The following RAP1GDS1 variants were observed in gnomAD, a reference collection of about 807,000 sequenced individuals.
RAP1GDS1 encodes the protein Rap1 GTPase-GDP dissociation stimulator 1.
A neutral mutation model predicts 71.1 loss-of-function variants in RAP1GDS1; 35 were observed. The observed-to-expected ratio is 0.49, with a 90% confidence interval of 0.38 to 0.65. The LOEUF (loss-of-function observed/expected upper bound fraction) is 0.65. Ranked by LOEUF, RAP1GDS1 falls within the 30% of genes least tolerant of loss-of-function variation. The pLI, the probability that RAP1GDS1 is intolerant of heterozygous loss-of-function variation, is 0.00. For missense variants in RAP1GDS1, 663 were observed against 706.1 expected (o/e 0.94, Z 0.69); for synonymous variants, 229 against 243.1 (o/e 0.94, Z 0.54).
chr4:98,373,475 C>G (rs1740707090), intron 4 of RAP1GDS1, among the ~76,000 whole-genome samples: 1 of 143,768 alleles, frequency 7.0e-6, no homozygotes, highest in South Asian at 2.3e-4. Context: ...TAATTGTTTT[C>G]CTTTGCTTGG....
At chr4:98,271,751 T>A (rs1316852708) in intron 1 of RAP1GDS1, among the ~76,000 whole-genome samples, 1 of 152,198 alleles carries the variant, frequency 6.6e-6, no homozygotes, top group Non-Finnish European at 1.5e-5. Context: ...TAAGAATGAT[T>A]GATGTGAGTT....
intron 3 of RAP1GDS1, 91 bp downstream of exon 3, chr4:98,343,352 T>G (rs1429598970): frequency 7.0e-7 from 1 of 1,422,948 alleles, no homozygotes; most frequent in East Asian, 2.4e-5. Context: ...TGTTTTAATT[T>G]TGTAGATTAG....
In RAP1GDS1 at chr4:98,391,971, T is replaced by C; in HGVS notation, c.528T>C (p.Leu176=). The C allele has an allele frequency of 6.2e-7, 1 of 1,604,950 alleles. No homozygotes were observed. The change falls in exon 6 of 15, where the codon CTT becomes CTC. Residue 176 remains leucine, a synonymous_variant. Coordinates refer to ENST00000408927, the MANE Select transcript of RAP1GDS1 (RefSeq NM_001100427.2). ...SNENDSLQAQ[L]INMGVIPTLV... is the part of the protein sequence containing the mutation. ...TTACAGATTCGCTTCAAGCTCAGCT[T>C]ATCAATATGGGTGTTATTCCTACCT...
chr4:98,436,915 T>C (rs937874215), intron 13 of RAP1GDS1, 25 bp from the exon 14 acceptor site: 2 of 1,579,204 alleles, frequency 1.3e-6, no homozygotes, highest in African/African-American at 1.4e-5. Flanking sequence ...TCGTACGCAG[T>C]AGATATACTT....
At chr4:98,423,796 G>A (rs1194367319) in intron 12 of RAP1GDS1, among the ~76,000 whole-genome samples, 4 of 152,036 alleles carry the variant, frequency 2.6e-5, no homozygotes, top group Non-Finnish European at 5.9e-5. Flanking sequence ...CGCCTACCTC[G>A]GCCTCCCAAA....
intron 4 of RAP1GDS1, among the ~76,000 whole-genome samples, chr4:98,360,781 A>G (rs1371957135): frequency 6.6e-6 from 1 of 152,152 alleles, no homozygotes; most frequent in African/African-American, 2.4e-5. Flanking sequence ...GTAAAAGTGA[A>G]TAATTCAGGG....
intron 1 of RAP1GDS1, among the ~76,000 whole-genome samples, chr4:98,291,105 A>G (rs1171078506): frequency 6.6e-6 from 1 of 152,152 alleles, no homozygotes; most frequent in Non-Finnish European, 1.5e-5. Context: ...GGCTTTGTCA[A>G]GATATCATTT....
intron 4 of RAP1GDS1, among the ~76,000 whole-genome samples, chr4:98,357,942 A>C (rs1374382456): frequency 2.0e-5 from 3 of 151,980 alleles, no homozygotes; most frequent in Non-Finnish European, 1.5e-5. Context: ...TACATACAAT[A>C]ACATACAAAA....
At chr4:98,281,299 T>C (rs1340088089) in intron 1 of RAP1GDS1, among the ~76,000 whole-genome samples, 1 of 152,178 alleles carries the variant, frequency 6.6e-6, no homozygotes, top group Non-Finnish European at 1.5e-5. Context: ...GAGCAGCGGT[T>C]TGTAGTTCTC....
intron 2 of RAP1GDS1, among the ~76,000 whole-genome samples, chr4:98,295,263 AC>A (rs1270653828): frequency 6.6e-6 from 1 of 152,138 alleles, no homozygotes; most frequent in African/African-American, 2.4e-5. Flanking sequence ...ATTGTGTATC[AC>A]AAAATGTTAA....
chr4:98,262,344 CCTGT>C (rs1195311478), intron 1 of RAP1GDS1, among the ~76,000 whole-genome samples: 1 of 152,172 alleles, frequency 6.6e-6, no homozygotes, highest in Non-Finnish European at 1.5e-5. Context: ...CCAGCTTCCT[CCTGT>C]CTAATCTGCA....
chr4:98,261,754 G>GTCCC, intron 1 of RAP1GDS1, 185 bp downstream of exon 1: 1 of 764,684 alleles, frequency 1.3e-6, no homozygotes, highest in Non-Finnish European at 1.9e-6. Flanking sequence ...GGCTGGGAGG[G>GTCCC]TCCCGAGCGC....
At chr4:98,312,421 A>G (rs1441951637) in intron 2 of RAP1GDS1, among the ~76,000 whole-genome samples, 1 of 152,148 alleles carries the variant, frequency 6.6e-6, no homozygotes. Flanking sequence ...CTAGATAAAC[A>G]TACAATGTGC....
intron 14 of RAP1GDS1, chr4:98,441,281 C>G (rs1751830420): frequency 2.1e-6 from 2 of 930,332 alleles, no homozygotes; most frequent in Non-Finnish European, 2.6e-6. Context: ...TAACAGTTCT[C>G]AGAGTCCTAA....
At chr4:98,337,451 A>G (rs1734869807) in intron 2 of RAP1GDS1, among the ~76,000 whole-genome samples, 1 of 152,232 alleles carries the variant, frequency 6.6e-6, no homozygotes. Flanking sequence ...TGGAGAAGAA[A>G]TCACAAAAGC....
At chr4:98,347,247 C>A (rs990511764) in intron 3 of RAP1GDS1, among the ~76,000 whole-genome samples, 1 of 152,064 alleles carries the variant, frequency 6.6e-6, no homozygotes, top group African/African-American at 2.4e-5. Flanking sequence ...TAATTTTCAT[C>A]ACAGCCTGTA....
chr4:98,292,200 C>G (rs1419678307), intron 1 of RAP1GDS1, among the ~76,000 whole-genome samples: 1 of 151,588 alleles, frequency 6.6e-6, no homozygotes, highest in Non-Finnish European at 1.5e-5. Context: ...AATCCTAGCT[C>G]CCTGTAGACT....
chr4:98,387,235 A>G (rs1196253651), intron 5 of RAP1GDS1, among the ~76,000 whole-genome samples: 1 of 152,204 alleles, frequency 6.6e-6, no homozygotes, highest in East Asian at 1.9e-4. Context: ...GCTTAATCTT[A>G]TAACATTGTC....
Position 98,336,224 on chromosome 4 carries a change from T to A in RAP1GDS1, c.113-6915T>A, listed in dbSNP as rs1427874355. 2.0e-5 allele frequency among the ~76,000 whole-genome samples: 3 copies of A among 152,184 alleles called. No homozygotes were observed. The East Asian group carries it at 5.8e-4, about 29-fold the overall frequency. ...TCAACTTCTTGGTGAACAATCTAGT[T>A]ATATACTCTGCTTATACCACAGTCA... On this transcript the variant is annotated intron_variant, in intron 2 of 14. Transcript: ENST00000408927.
Sources: gnomAD v4.1 joint callset for allele counts (sites outside exome capture counted in the v4.1 genomes callset) on GRCh38, gnomAD v4.1.1 for gene constraint, MANE v1.5 for transcripts, NCBI Gene and HGNC (gene_info 2026-07-23, HGNC 2026-07-21) for gene names.